Variants in DNAJC25 observed in about 807,000 individuals in gnomAD.
DNAJC25 encodes dnaJ homolog subfamily C member 25.
DNAJC25 carries 26 observed loss-of-function variants against 42.1 expected under a neutral mutation model. The observed-to-expected ratio is 0.62, with a 90% CI of 0.45 to 0.86. The LOEUF is 0.86. Among genes scored for constraint, DNAJC25 ranks in the 40% least tolerant of loss-of-function variants. The pLI, the probability that DNAJC25 is intolerant of heterozygous loss-of-function variation, is 0.00. For synonymous variants in DNAJC25, 189 were observed against 179.9 expected (o/e 1.05, Z -0.40); for missense variants, 404 against 459.4 (o/e 0.88, Z 1.10).
intron 1 of DNAJC25, among the ~76,000 whole-genome samples, chr9:111,639,236 A>G (rs1404757820): frequency 6.6e-6 from 1 of 152,212 alleles, no homozygotes; most frequent in African/African-American, 2.4e-5. Context: ...TTTTGTGCTC[A>G]ATACAAGGCC....
chr9:111,638,718 G>T (rs1570303), intron 1 of DNAJC25, among the ~76,000 whole-genome samples: 1 of 151,710 alleles, frequency 6.6e-6, no homozygotes, highest in Non-Finnish European at 1.5e-5. Flanking sequence ...TTTCTTAGCT[G>T]CTAAAATCTG....
chr9:111,645,407 A>C (rs1164153224), intron 1 of DNAJC25, among the ~76,000 whole-genome samples: 3 of 152,122 alleles, frequency 2.0e-5, no homozygotes, highest in Non-Finnish European at 4.4e-5. Flanking sequence ...AGCACAAGCC[A>C]CCACGACTGG....
At chr9:111,635,570 A>G (rs565605116) in intron 1 of DNAJC25, among the ~76,000 whole-genome samples, 10 of 152,376 alleles carry the variant, frequency 6.6e-5, no homozygotes, top group Admixed American at 3.3e-4. Context: ...TGGATAATAC[A>G]TGAAATATGA....
chr9:111,631,824 G>C, intron 1 of DNAJC25, 81 bp downstream of exon 1: 2 of 1,431,776 alleles, frequency 1.4e-6, no homozygotes, highest in Non-Finnish European at 1.8e-6. Flanking sequence ...TCCGCGGAGC[G>C]TGGGCCTCTG....
chr9:111,650,937 T>G (rs1267460182), intron 3 of DNAJC25, among the ~76,000 whole-genome samples: 1 of 152,186 alleles, frequency 6.6e-6, no homozygotes, highest in Non-Finnish European at 1.5e-5. Flanking sequence ...TTACTGTGAA[T>G]TGCCCGATGT....
intron 2 of DNAJC25, among the ~76,000 whole-genome samples, chr9:111,648,257 C>A (rs899128798): frequency 2.1e-5 from 3 of 144,566 alleles, no homozygotes; most frequent in African/African-American, 7.8e-5. Flanking sequence ...TTCCCAGAAA[C>A]GATTCAGTTT....
chr9:111,640,141 C>A (rs577156335), intron 1 of DNAJC25, among the ~76,000 whole-genome samples: 2 of 149,898 alleles, frequency 1.3e-5, no homozygotes, highest in South Asian at 4.2e-4. Flanking sequence ...TTGGCCGGGC[C>A]GGTCTCCAGC....
chr9:111,645,188 G>A (rs1589346203), intron 1 of DNAJC25, among the ~76,000 whole-genome samples: 1 of 152,188 alleles, frequency 6.6e-6, no homozygotes, highest in East Asian at 1.9e-4. Flanking sequence ...CTGGTGAGAG[G>A]TAAGAAATTG....
In DNAJC25 at chr9:111,654,276, G is replaced by T. The variant is rs1206110878; in HGVS notation, c.*1054G>T. 1.3e-5 allele frequency: 2 copies of T among 152,110 alleles called. No homozygotes were observed. Among genetic ancestry groups the T allele is most frequent in the Admixed American group, 6.6e-5 (1 of 15,266 alleles). 9.4% of individuals were successfully genotyped at this position (152,110 alleles called of 1,614,324 possible). A position where few individuals can be genotyped will look rare whatever the true frequency, so the allele number is the denominator to read the frequency against. ...CACCAAAGTGTTGGTACATATTCAC[G>T]GTAGTAAATCAGTACCCCTGTTAAA... On this transcript the variant is annotated 3_prime_UTR_variant, in exon 4 of 4. Transcript: ENST00000313525.
chr9:111,639,355 G>GT, intron 1 of DNAJC25, among the ~76,000 whole-genome samples: 1 of 152,340 alleles, frequency 6.6e-6, no homozygotes, highest in South Asian at 2.1e-4. Flanking sequence ...GGATAGATTG[G>GT]TTTTTGAGCA....
intron 1 of DNAJC25, among the ~76,000 whole-genome samples, chr9:111,641,777 C>T (rs1246893600): frequency 7.6e-6 from 1 of 131,242 alleles, no homozygotes; most frequent in African/African-American, 3.0e-5. Context: ...CCCCTCTGCC[C>T]GGCCAGCCGC....
chr9:111,643,099 G>T, intron 1 of DNAJC25: 1 of 318,028 alleles, frequency 3.1e-6, no homozygotes. Flanking sequence ...TGAAAGGTAA[G>T]ATATTAAACT....
Position 111,647,219 on chromosome 9 carries a change from T to C in DNAJC25, c.449T>C (p.Val150Ala). The C allele has an allele frequency of 1.9e-6, 3 of 1,614,004 alleles. No homozygotes were observed. The East Asian group carries it at 6.7e-5, about 36-fold the overall frequency. The change falls in exon 2 of 4, where the codon GTA becomes GCA. Residue 150 changes from valine (V) to alanine (A), a missense_variant. Val to Ala is a moderately conservative substitution (Grantham distance 64). Transcript: ENST00000313525. ...RRLAPKVDVRVVILVSVCAIS... is the reference protein window; with the variant it reads ...RRLAPKVDVRAVILVSVCAIS... ...TTGGCCCCTAAGGTGGATGTTAGAGTAGTGATTTTGGTCAGCGTGTGTGCT... is the reference window on the plus strand; with the variant it reads ...TTGGCCCCTAAGGTGGATGTTAGAGCAGTGATTTTGGTCAGCGTGTGTGCT...
intron 1 of DNAJC25, among the ~76,000 whole-genome samples, chr9:111,644,434 C>G (rs1830533709): frequency 6.6e-6 from 1 of 152,154 alleles, no homozygotes; most frequent in African/African-American, 2.4e-5. Context: ...GGTGAAAGAT[C>G]TGAGTGAAAT....
Position 111,653,673 on chromosome 9 carries a change from G to A in DNAJC25, c.*451G>A, listed in dbSNP as rs1054171497. ...AGCATTTAATTATATTATCATGAGTGTGTTTCTGGACACAAACTTCTGCAG... is the reference window on the plus strand; with the variant it reads ...AGCATTTAATTATATTATCATGAGTATGTTTCTGGACACAAACTTCTGCAG... On this transcript the variant is annotated 3_prime_UTR_variant, in exon 4 of 4. Transcript: ENST00000313525. 1.3e-5 allele frequency: 2 copies of A among 152,292 alleles called. No homozygotes were observed. Among genetic ancestry groups the A allele is most frequent in the Admixed American group, 1.3e-4 (2 of 15,280 alleles). The allele number at this position is 152,292 out of a possible 1,614,324, so 9.4% of individuals were successfully genotyped here.
chr9:111,634,829 G>A (rs113044184), intron 1 of DNAJC25, among the ~76,000 whole-genome samples: 4,139 of 151,504 alleles, frequency 0.027, 94 homozygotes, highest in Non-Finnish European at 0.037. Flanking sequence ...CACTATTTTA[G>A]CAAAAAGATT....
rs1830580893 is a variant in DNAJC25 at position 111,647,261 on chromosome 9, T to C, written c.489+2T>C. 6.2e-7 allele frequency: 1 copy of C among 1,614,094 alleles called. No homozygotes were observed. On this transcript the variant is annotated splice_donor_variant, in intron 2 of 3. Coordinates refer to ENST00000313525, the MANE Select transcript of DNAJC25 (RefSeq NM_001015882.3). LOFTEE classifies it high-confidence loss of function. ...GTGTGTGCTATTTCGGTGTTTCAGGTATGTATCAATGGATATTTTTATCTA... is the reference window on the plus strand; with the variant it reads ...GTGTGTGCTATTTCGGTGTTTCAGGCATGTATCAATGGATATTTTTATCTA...
rs867314244 is a variant in DNAJC25 at position 111,631,720 on chromosome 9, G to A, written c.313G>A (p.Ala105Thr). The change falls in exon 1 of 4, where the codon GCA becomes ACA. Residue 105 changes from alanine to threonine, a missense_variant. Physicochemically the swap from Ala to Thr is moderately conservative, Grantham distance 58 (BLOSUM62 0). Transcript: ENST00000313525. ...QSAEEAFLLV[A>T]TAYETLKDEE... Reference sequence around the variant, plus strand: ...CGCCGAGGAGGCTTTCCTGCTGGTGGCAACCGCCTACGAGACACTCAAGGT... The same window carrying A: ...CGCCGAGGAGGCTTTCCTGCTGGTGACAACCGCCTACGAGACACTCAAGGT... 6.6e-7 allele frequency: 1 copy of A among 1,521,346 alleles called. No individual in the cohort carries two copies. The allele number at this position is 1,521,346 out of a possible 1,614,324, so 94.2% of individuals were successfully genotyped here.
At chr9:111,653,009 C>G in intron 3 of DNAJC25, 91 bp from the exon 4 acceptor site, 1 of 1,340,416 alleles carries the variant, frequency 7.5e-7, no homozygotes, top group Non-Finnish European at 9.7e-7. Flanking sequence ...TTTTACCTAA[C>G]ATTATGTTAG....
Sources: allele counts gnomAD v4.1 joint callset (sites outside exome capture counted in the v4.1 genomes callset), GRCh38; gene constraint gnomAD v4.1.1; transcripts MANE v1.5; gene names NCBI Gene and HGNC (gene_info 2026-07-23, HGNC 2026-07-21).